Variants in MOK observed in about 807,000 individuals in gnomAD.
MOK encodes the protein MOK protein kinase.
MOK carries 59 observed loss-of-function variants against 54.2 expected under a neutral mutation model. The observed-to-expected ratio is 1.09, with a 90% CI of 0.88 to 1.35. The LOEUF is 1.35. MOK is among the 40% of genes most tolerant of loss of function. The pLI, the probability that MOK is intolerant of heterozygous loss-of-function variation, is 0.00. For missense variants in MOK, 517 were observed against 526.2 expected, an observed-to-expected ratio of 0.98 and a Z score of 0.17; for synonymous variants, 210 against 202.7, an observed-to-expected ratio of 1.04 and a Z score of -0.31.
In MOK at chr14:102,261,219, C is replaced by T. The variant is rs2067365181; in HGVS notation, c.283+2327G>A. 2.1e-5 allele frequency among the ~76,000 whole-genome samples: 3 copies of T among 139,650 alleles called. No individual in the cohort carries two copies. In the South Asian group the frequency reaches 6.9e-4, roughly 32 times the overall value. The allele number at this position is 139,650 out of a possible 152,430, so 91.6% of individuals were successfully genotyped here. Reference sequence around the variant, plus strand: ...TTGCAGTGAGCTGATTGCACCATTGCACTCCAGCCTGGCAACAGAGCGAGA... The same window carrying T: ...TTGCAGTGAGCTGATTGCACCATTGTACTCCAGCCTGGCAACAGAGCGAGA... On this transcript the variant is annotated intron_variant, in intron 4 of 11. Transcript: ENST00000361847.
intron 1 of MOK, among the ~76,000 whole-genome samples, chr14:102,297,353 G>A (rs376030763): frequency 2.6e-4 from 39 of 152,058 alleles, no homozygotes; most frequent in African/African-American, 8.2e-4. Context: ...GCAAGACTCC[G>A]TCTCAAAAAT....
At chr14:102,302,605 C>T (rs4346142) in intron 1 of MOK, among the ~76,000 whole-genome samples, 6,263 of 151,052 alleles carry the variant, frequency 0.041, 140 homozygotes, top group Middle Eastern at 0.065. Context: ...TTAGTAGAGC[C>T]GGGGTTTCAC....
Position 102,236,391 on chromosome 14 carries a change from G to T in MOK, c.591-2602C>A, listed in dbSNP as rs2065226481. ...CATCCCTCTCAGGTCTCAGTTGTGG[G>T]GGCTGATGGACTCATCTTGCGTCCA... On this transcript the variant is annotated intron_variant, in intron 7 of 11. Coordinates refer to ENST00000361847, the MANE Select transcript of MOK (RefSeq NM_014226.3). This position sits in a 1 kb window ranked among gnomAD's most constrained non-coding sequence, Gnocchi z 4.5. Among the ~76,000 whole-genome samples, 1 of 152,108 alleles carries T rather than the reference G, an allele frequency of 6.6e-6. No homozygotes were observed. The highest frequency in any genetic ancestry group is 2.4e-5 in the African/African-American group (1 of 41,414).
At chr14:102,257,763 G>A (rs2067084571) in intron 4 of MOK, among the ~76,000 whole-genome samples, 1 of 152,146 alleles carries the variant, frequency 6.6e-6, no homozygotes, top group Non-Finnish European at 1.5e-5. Flanking sequence ...CGGATCACGA[G>A]GTCAAGAGAT....
intron 2 of MOK, among the ~76,000 whole-genome samples, chr14:102,270,785 A>C (rs1463554588): frequency 1.3e-5 from 2 of 152,210 alleles, no homozygotes; most frequent in African/African-American, 2.4e-5. Context: ...AGTTGTTATC[A>C]AAAACCTCCC....
chr14:102,297,457 T>C (rs1239633214), intron 1 of MOK, among the ~76,000 whole-genome samples: 1 of 152,236 alleles, frequency 6.6e-6, no homozygotes, highest in East Asian at 1.9e-4. Flanking sequence ...AGGTACCTTT[T>C]TTGATTCCAT....
chr14:102,237,698 G>A (rs924356132), intron 7 of MOK, among the ~76,000 whole-genome samples: 24 of 152,172 alleles, frequency 1.6e-4, no homozygotes, highest in African/African-American at 5.3e-4. Context: ...AAAAGATGAG[G>A]AATAGCCCTC....
At chr14:102,303,162 A>C (rs999213838) in intron 1 of MOK, among the ~76,000 whole-genome samples, 11 of 151,866 alleles carry the variant, frequency 7.2e-5, no homozygotes, top group African/African-American at 2.7e-4. Flanking sequence ...CCCTGTCCAA[A>C]AAAAAAAAGA....
intron 1 of MOK, among the ~76,000 whole-genome samples, chr14:102,293,844 T>C (rs2071078950): frequency 2.0e-5 from 3 of 152,144 alleles, no homozygotes; most frequent in African/African-American, 7.2e-5. Context: ...CATTACTCAA[T>C]GTTCGCAATG....
chr14:102,246,908 C>T (rs1051316176), intron 7 of MOK, among the ~76,000 whole-genome samples: 7 of 139,688 alleles, frequency 5.0e-5, no homozygotes, highest in Non-Finnish European at 1.2e-4. Flanking sequence ...CAACTCAAAC[C>T]CTCCACCGAA....
rs899429713 is a variant in MOK at position 102,249,020 on chromosome 14, G to T, written c.590+1792C>A. Reference sequence around the variant, plus strand: ...TCGACCAGGCAGACTCGCTCACACGGAACGCGAGGAACTCAGCCTGGCGTG... The same window carrying T: ...TCGACCAGGCAGACTCGCTCACACGTAACGCGAGGAACTCAGCCTGGCGTG... On this transcript the variant is annotated intron_variant, in intron 7 of 11. Transcript: ENST00000361847. The surrounding 1 kb of genome is among the most constrained non-coding windows in gnomAD (Gnocchi z 5.3). Among the ~76,000 whole-genome samples the T allele has an allele frequency of 6.6e-6, 1 of 151,998 alleles. No homozygotes were observed. Among genetic ancestry groups the T allele is most frequent in the Non-Finnish European group, 1.5e-5 (1 of 68,012 alleles).
chr14:102,259,068 GA>G (rs879604818), intron 4 of MOK, among the ~76,000 whole-genome samples: 1,707 of 95,738 alleles, frequency 0.018, 33 homozygotes, highest in African/African-American at 0.057. Context: ...TCCATCTCAA[GA>G]AAAAAAAAAA....
downstream of MOK, chr14:102,223,045 C>T: frequency 1.4e-6 from 1 of 692,052 alleles, no homozygotes; most frequent in Non-Finnish European, 2.4e-6. Context: ...CGGCGCCGTG[C>T]TCCCGCTGCT....
chr14:102,263,704 T>G, intron 3 of MOK, 88 bp from the exon 4 acceptor site: 1 of 838,778 alleles, frequency 1.2e-6, no homozygotes, highest in East Asian at 2.7e-5. Flanking sequence ...TAAACATTTC[T>G]AGTAAACATT....
chr14:102,231,912 G>T lies in MOK; in HGVS notation c.867-91C>A. 9.6e-7 allele frequency: 1 copy of T among 1,040,836 alleles called. No homozygotes were observed. Among genetic ancestry groups the T allele is most frequent in the Non-Finnish European group, 1.4e-6 (1 of 699,640 alleles). The allele number at this position is 1,040,836 out of a possible 1,614,324, so 64.5% of individuals were successfully genotyped here. ...CTTCTTTGTCTCCAATTTGTCTACT[G>T]TGTGAGTTGTCACTAGCTCTTCTTT... On this transcript the variant is annotated intron_variant, in intron 9 of 11. Coordinates refer to ENST00000361847, the MANE Select transcript of MOK (RefSeq NM_014226.3). This position sits in a 1 kb window ranked among gnomAD's most constrained non-coding sequence, Gnocchi z 4.4.
intron 1 of MOK, among the ~76,000 whole-genome samples, chr14:102,301,461 A>G (rs777496843): frequency 3.3e-5 from 5 of 152,212 alleles, no homozygotes; most frequent in African/African-American, 7.2e-5. Context: ...AACACAGGGC[A>G]TCACCTAGAA....
At position 102,249,947 on chromosome 14, in the gene MOK, G is replaced by A. The variant is rs1233788155; in HGVS notation, c.590+865C>T. ...TGGTGCACCGTGGGCCGTCTTGTGCGCTGGTGAGATACAGGTGGCCTTGTG... is the reference window on the plus strand; with the variant it reads ...TGGTGCACCGTGGGCCGTCTTGTGCACTGGTGAGATACAGGTGGCCTTGTG... On this transcript the variant is annotated intron_variant, in intron 7 of 11. Transcript: ENST00000361847. The surrounding 1 kb of genome is among the most constrained non-coding windows in gnomAD (Gnocchi z 5.3). Among the ~76,000 whole-genome samples, 4 of 152,050 alleles carry A rather than the reference G, an allele frequency of 2.6e-5. No individual in the cohort carries two copies. The highest frequency in any genetic ancestry group is 4.8e-5 in the African/African-American group (2 of 41,406).
At chr14:102,220,491 A>G (rs2063758501), downstream of MOK, among the ~76,000 whole-genome samples, 1 of 152,226 alleles carries the variant, frequency 6.6e-6, no homozygotes, top group African/African-American at 2.4e-5. This position sits in a 1 kb window ranked among gnomAD's most constrained non-coding sequence, Gnocchi z 4.2. Flanking sequence ...TGGGAGGCCA[A>G]GGCAGGTGGA....
downstream of MOK, among the ~76,000 whole-genome samples, chr14:102,219,750 C>T (rs566234255): frequency 1.6e-4 from 25 of 152,372 alleles, no homozygotes; most frequent in South Asian, 5.2e-3. Context: ...CATGGCGATG[C>T]ATTCTAAAAG....
Sources: gnomAD v4.1 joint callset for allele counts (sites outside exome capture counted in the v4.1 genomes callset) on GRCh38, gnomAD v4.1.1 for gene constraint, Gnocchi (gnomAD v3.1) non-coding constraint, MANE v1.5 for transcripts, NCBI Gene and HGNC (gene_info 2026-07-23, HGNC 2026-07-21) for gene names.